C8orf34: variants seen among roughly 807,000 people sequenced by gnomAD.
The protein encoded by C8orf34 is uncharacterized protein C8orf34.
C8orf34 carries 65 observed loss-of-function variants against 68.3 expected under a neutral mutation model. The observed-to-expected ratio is 0.95, with a 90% CI of 0.78 to 1.17. The LOEUF is 1.17. Ranked by LOEUF, C8orf34 falls within the 50% of genes most tolerant of loss-of-function variation. C8orf34 has a pLI of 0.00. For missense variants in C8orf34, 664 were observed against 655.4 expected (o/e 1.01, Z -0.14); for synonymous variants, 244 against 241.2 (o/e 1.01, Z -0.11).
intron 12 of C8orf34, among the ~76,000 whole-genome samples, chr8:68,803,279 C>T (rs1824385969): frequency 6.9e-6 from 1 of 145,614 alleles, no homozygotes; most frequent in African/African-American, 2.6e-5. Context: ...AAACCAATTC[C>T]TATCATGTAT....
At chr8:68,346,973 T>A (rs1235068690) in intron 1 of C8orf34, among the ~76,000 whole-genome samples, 1 of 152,012 alleles carries the variant, frequency 6.6e-6, no homozygotes, top group Non-Finnish European at 1.5e-5. Flanking sequence ...TTTTAACTTT[T>A]ATTTTAGGTT....
chr8:68,599,169 T>G (rs550193922), intron 7 of C8orf34, among the ~76,000 whole-genome samples: 24 of 151,970 alleles, frequency 1.6e-4, no homozygotes, highest in Non-Finnish European at 8.8e-5. Flanking sequence ...TACTTAGAAA[T>G]AAATTTAACA....
chr8:68,736,924 G>A (rs575508917), intron 10 of C8orf34, among the ~76,000 whole-genome samples: 3 of 152,180 alleles, frequency 2.0e-5, no homozygotes, highest in Admixed American at 2.0e-4. Flanking sequence ...GTGGATCTGA[G>A]TAATTTTCAT....
chr8:68,615,438 G>T (rs1238379516), intron 7 of C8orf34, among the ~76,000 whole-genome samples: 1 of 152,030 alleles, frequency 6.6e-6, no homozygotes, highest in African/African-American at 2.4e-5. Context: ...GTCATAGATA[G>T]TTCTTGTTAT....
At chr8:68,518,503 G>C (rs977859428) in intron 5 of C8orf34, among the ~76,000 whole-genome samples, 12 of 151,980 alleles carry the variant, frequency 7.9e-5, no homozygotes, top group Non-Finnish European at 1.8e-4. Context: ...CTAAATAACA[G>C]ACAGCCTCTA....
chr8:68,763,006 G>GT (rs1418080258), intron 10 of C8orf34, among the ~76,000 whole-genome samples: 2 of 152,142 alleles, frequency 1.3e-5, no homozygotes, highest in African/African-American at 4.8e-5. Context: ...GCTGGGTCTG[G>GT]TATCACTTTG....
chr8:68,750,152 G>A (rs373052840), intron 10 of C8orf34, among the ~76,000 whole-genome samples: 7 of 152,118 alleles, frequency 4.6e-5, no homozygotes, highest in African/African-American at 1.7e-4. Context: ...ACAGGTATTT[G>A]AGGAAAAACC....
chr8:68,751,764 C>G (rs74941235), intron 10 of C8orf34, among the ~76,000 whole-genome samples: 1,551 of 151,590 alleles, frequency 0.01, 33 homozygotes, highest in African/African-American at 0.036. Flanking sequence ...CACTTCTAAG[C>G]CTGCAGATAG....
At chr8:68,522,025 G>A in intron 6 of C8orf34, 54 bp downstream of exon 6, 3 of 1,487,782 alleles carry the variant, frequency 2.0e-6, no homozygotes, top group Admixed American at 2.1e-5. Context: ...AAAGGTAAAG[G>A]GAAAATAAAC....
chr8:68,791,752 G>T (rs1420945599), intron 12 of C8orf34: 1 of 152,144 alleles, frequency 6.6e-6, no homozygotes, highest in Non-Finnish European at 1.5e-5. Flanking sequence ...GTAACAATAG[G>T]TAATTTGGCC....
intron 12 of C8orf34, chr8:68,790,834 CTG>C (rs1293265678): frequency 1.4e-6 from 1 of 701,352 alleles, no homozygotes; most frequent in African/African-American, 1.8e-5. Context: ...ATCAGAATCT[CTG>C]TGGCTGGGAC....
intron 1 of C8orf34, among the ~76,000 whole-genome samples, chr8:68,351,059 G>A (rs374796329): frequency 4.6e-5 from 7 of 152,032 alleles, no homozygotes; most frequent in Admixed American, 3.3e-4. Flanking sequence ...AGTGACACTG[G>A]TCTGCGTGTT....
intron 1 of C8orf34, among the ~76,000 whole-genome samples, chr8:68,431,262 G>A (rs1810440450): frequency 6.6e-6 from 1 of 152,126 alleles, no homozygotes; most frequent in South Asian, 2.1e-4. Context: ...GTCATTCTGA[G>A]CACCTCATTT....
intron 12 of C8orf34, among the ~76,000 whole-genome samples, chr8:68,795,690 T>G (rs551628846): frequency 1.3e-5 from 2 of 152,314 alleles, no homozygotes; most frequent in South Asian, 4.1e-4. Context: ...AGCCTCTATG[T>G]CAACCAGAGG....
intron 12 of C8orf34, among the ~76,000 whole-genome samples, chr8:68,812,978 G>A (rs887938120): frequency 2.0e-5 from 3 of 152,138 alleles, no homozygotes; most frequent in Admixed American, 2.0e-4. Flanking sequence ...TAGTTCATCA[G>A]AGTTGCAATG....
chr8:68,511,332 G>A (rs1012241335), intron 5 of C8orf34, among the ~76,000 whole-genome samples: 8 of 152,146 alleles, frequency 5.3e-5, no homozygotes, highest in Non-Finnish European at 1.0e-4. Flanking sequence ...CTACTGCTGT[G>A]TCATTCCCCT....
intron 1 of C8orf34, among the ~76,000 whole-genome samples, chr8:68,342,287 C>G (rs964928369): frequency 6.6e-6 from 1 of 152,140 alleles, no homozygotes; most frequent in Non-Finnish European, 1.5e-5. Flanking sequence ...TAGAGTTACA[C>G]TTAGACTTGA....
intron 8 of C8orf34, among the ~76,000 whole-genome samples, chr8:68,683,950 C>A (rs573937055): frequency 6.6e-6 from 1 of 152,236 alleles, no homozygotes; most frequent in Non-Finnish European, 1.5e-5. Context: ...TGCTCACCCA[C>A]AAAACTCTTC....
At chr8:68,680,199 T>C (rs1820325987) in intron 8 of C8orf34, among the ~76,000 whole-genome samples, 1 of 152,078 alleles carries the variant, frequency 6.6e-6, no homozygotes, top group Non-Finnish European at 1.5e-5. Context: ...ATAAACAGAA[T>C]ATATAAGGAG....
Sources: allele counts gnomAD v4.1 joint callset (sites outside exome capture counted in the v4.1 genomes callset), GRCh38; gene constraint gnomAD v4.1.1; transcripts MANE v1.5; gene names NCBI Gene and HGNC (gene_info 2026-07-23, HGNC 2026-07-21).